The following NARS2 variants were observed in gnomAD, a reference collection of about 807,000 sequenced individuals.
NARS2 encodes the protein asparaginyl-tRNA synthetase.
A neutral mutation model predicts 62.9 loss-of-function variants in NARS2; 60 were observed. The observed-to-expected ratio is 0.95, with a 90% CI of 0.77 to 1.18. The LOEUF is 1.18. Among genes scored for constraint, NARS2 ranks in the 50% most tolerant of loss-of-function variants. The pLI, the probability that NARS2 is intolerant of heterozygous loss-of-function variation, is 0.00. For missense variants in NARS2, 619 were observed against 576.4 expected (o/e 1.07, Z -0.76); for synonymous variants, 196 against 200.0 (o/e 0.98, Z 0.17).
chr11:78,561,180 G>A (rs7130503), intron 4 of NARS2, among the ~76,000 whole-genome samples: 93,438 of 152,014 alleles, frequency 0.61, 32,163 homozygotes, highest in Non-Finnish European at 0.79. Context: ...AGCAGCTTTC[G>A]CTGCTTTAAA....
chr11:78,453,081 T>C (rs1248495909), intron 11 of NARS2, among the ~76,000 whole-genome samples: 2 of 152,218 alleles, frequency 1.3e-5, no homozygotes, highest in Non-Finnish European at 2.9e-5. Context: ...AAAATCTCTA[T>C]TGTGTTTCTG....
intron 6 of NARS2, among the ~76,000 whole-genome samples, chr11:78,524,173 G>A (rs1293228883): frequency 6.6e-6 from 1 of 152,044 alleles, no homozygotes; most frequent in Non-Finnish European, 1.5e-5. Flanking sequence ...GATAAATGAT[G>A]ATGACTATTT....
At chr11:78,466,745 T>G (rs541534689) in intron 10 of NARS2, among the ~76,000 whole-genome samples, 9 of 152,304 alleles carry the variant, frequency 5.9e-5, no homozygotes, top group Non-Finnish European at 1.0e-4. Context: ...CCTCCCAAAG[T>G]GCTGGGATTA....
chr11:78,541,362 G>A (rs973592183), intron 5 of NARS2, among the ~76,000 whole-genome samples: 1 of 147,288 alleles, frequency 6.8e-6, no homozygotes, highest in African/African-American at 2.5e-5. Flanking sequence ...ATAAGGTCTT[G>A]CTATGTCGCC....
chr11:78,480,154 C>T (rs368174326), intron 7 of NARS2, among the ~76,000 whole-genome samples: 1 of 152,176 alleles, frequency 6.6e-6, no homozygotes, highest in Non-Finnish European at 1.5e-5. Flanking sequence ...CCCTTCTCAG[C>T]CTCCCATAGT....
At chr11:78,480,409 C>A (rs550476095) in intron 7 of NARS2, among the ~76,000 whole-genome samples, 20 of 152,148 alleles carry the variant, frequency 1.3e-4, no homozygotes, top group African/African-American at 4.8e-4. Context: ...TGTGTGTCAC[C>A]ACGCCTAGAT....
At chr11:78,471,943 G>A (rs1429800440) in intron 9 of NARS2, among the ~76,000 whole-genome samples, 1 of 151,864 alleles carries the variant, frequency 6.6e-6, no homozygotes, top group African/African-American at 2.4e-5. Context: ...GCATTCTATT[G>A]TTCTATTATA....
intron 6 of NARS2, among the ~76,000 whole-genome samples, chr11:78,510,901 C>G (rs1398577512): frequency 1.3e-5 from 2 of 151,986 alleles, no homozygotes; most frequent in Non-Finnish European, 2.9e-5. Flanking sequence ...AAGACAGCTA[C>G]AAAGAATAAA....
At position 78,553,102 on chromosome 11, in the gene NARS2, T is replaced by C. The variant is rs116835559; in HGVS notation, c.594+6437A>G. On this transcript the variant is annotated intron_variant, in intron 5 of 13. Transcript: ENST00000281038. ...AGCATATAAGGGTTTCCCTTTTCTC[T>C]GTAACCTGGCCAGCACTGTTATTTT... Among the ~76,000 whole-genome samples the C allele has an allele frequency of 4.3e-3, 651 of 152,328 alleles. 7 individuals are homozygous for C. Among genetic ancestry groups the C allele is most frequent in the African/African-American group, 0.015 (626 of 41,574 alleles).
intron 6 of NARS2, among the ~76,000 whole-genome samples, chr11:78,524,800 C>A (rs1051510378): frequency 2.0e-5 from 3 of 151,968 alleles, no homozygotes; most frequent in African/African-American, 7.3e-5. Flanking sequence ...ATAAAAGGAA[C>A]TAGGGCTCTT....
chr11:78,481,405 C>A (rs1393037985), intron 7 of NARS2, among the ~76,000 whole-genome samples: 1 of 152,082 alleles, frequency 6.6e-6, no homozygotes, highest in Non-Finnish European at 1.5e-5. Context: ...ATGCCTCAAT[C>A]ACTTAAACAA....
intron 2 of NARS2, among the ~76,000 whole-genome samples, chr11:78,570,199 A>C (rs1856875057): frequency 6.6e-6 from 1 of 152,188 alleles, no homozygotes; most frequent in Admixed American, 6.5e-5. Context: ...AGGAAAAAAA[A>C]AAGTTACTAT....
chr11:78,506,355 C>T (rs1321481580), intron 6 of NARS2, among the ~76,000 whole-genome samples: 1 of 152,164 alleles, frequency 6.6e-6, no homozygotes, highest in African/African-American at 2.4e-5. Flanking sequence ...AAACATATGT[C>T]CACACACAGA....
At position 78,563,847 on chromosome 11, in the gene NARS2, AAAAAAT is replaced by A. The variant is rs1468868584; in HGVS notation, c.513+2279_513+2284del. On this transcript the variant is annotated intron_variant, in intron 4 of 13. Transcript: ENST00000281038. The stretch of plus-strand genomic sequence containing the variant: ...TCTGTATCAAAAAAAAAAAAAAAAA[AAAAAAT>A]ATATATATATATATATGTATACACA... 4.6e-3 allele frequency among the ~76,000 whole-genome samples: 302 copies of A among 66,002 alleles called. 2 individuals carry two copies. The highest frequency in any genetic ancestry group is 0.01 in the African/African-American group (175 of 16,718). 43.3% of individuals were successfully genotyped at this position (66,002 alleles called of 152,430 possible).
At chr11:78,458,386 A>C (rs1021850188) in intron 11 of NARS2, among the ~76,000 whole-genome samples, 9 of 152,242 alleles carry the variant, frequency 5.9e-5, no homozygotes, top group Non-Finnish European at 1.3e-4. Context: ...TTTAATCCTC[A>C]CAACTCCATA....
At chr11:78,507,645 G>A (rs11237526) in intron 6 of NARS2, among the ~76,000 whole-genome samples, 5 of 151,002 alleles carry the variant, frequency 3.3e-5, no homozygotes, top group East Asian at 3.9e-4. Flanking sequence ...TCAGCCTCCC[G>A]AGTAGCTGGG....
chr11:78,519,186 A>G (rs1861022217), intron 6 of NARS2, among the ~76,000 whole-genome samples: 1 of 152,180 alleles, frequency 6.6e-6, no homozygotes, highest in Admixed American at 6.5e-5. Context: ...CAGCCACAAA[A>G]CAGGGTAAGA....
At chr11:78,504,278 T>C (rs1217145806) in intron 6 of NARS2, among the ~76,000 whole-genome samples, 4 of 152,200 alleles carry the variant, frequency 2.6e-5, no homozygotes, top group Non-Finnish European at 5.9e-5. Flanking sequence ...AACAAGTCTC[T>C]ACCTCCTGAT....
At chr11:78,456,948 A>C (rs1858186484) in intron 11 of NARS2, among the ~76,000 whole-genome samples, 1 of 152,234 alleles carries the variant, frequency 6.6e-6, no homozygotes, top group Admixed American at 6.5e-5. Flanking sequence ...TTATCCATGC[A>C]TATGAAGAAA....
Sources: allele counts gnomAD v4.1 joint callset (sites outside exome capture counted in the v4.1 genomes callset), GRCh38; gene constraint gnomAD v4.1.1; transcripts MANE v1.5; gene names NCBI Gene and HGNC (gene_info 2026-07-23, HGNC 2026-07-21).